SOX5: variants seen among roughly 807,000 people sequenced by gnomAD.
The protein encoded by SOX5 is SRY-box transcription factor 5.
A neutral mutation model predicts 92.0 loss-of-function variants in SOX5; 9 were observed. The ratio of observed to expected loss-of-function variants is 0.10; its 90% CI spans 0.06 to 0.17. The LOEUF (loss-of-function observed/expected upper bound fraction) is 0.17, where lower values mean the gene tolerates loss of function less well. Ranked by LOEUF, SOX5 falls within the 10% of genes least tolerant of loss-of-function variation. SOX5 has a pLI of 1.00. For synonymous variants in SOX5, 344 were observed against 336.3 expected (o/e 1.02, Z -0.25); for missense variants, 642 against 944.5 (o/e 0.68, Z 4.20).
At chr12:24,315,798 C>T (rs889384232) in intron 2 of SOX5, among the ~76,000 whole-genome samples, 11 of 152,218 alleles carry the variant, frequency 7.2e-5, no homozygotes, top group Admixed American at 4.6e-4. Context: ...TTGTAACTTT[C>T]TAGCACGTGG....
intron 5 of SOX5, among the ~76,000 whole-genome samples, chr12:23,740,259 T>C (rs2093747754): frequency 2.6e-5 from 4 of 152,224 alleles, no homozygotes; most frequent in Admixed American, 2.6e-4. Flanking sequence ...TCTCTGTTTC[T>C]GGTGATGGCA....
chr12:24,037,729 A>ACCT lies in SOX5; in HGVS notation c.-1-141706_-1-141705insAGG, dbSNP rs1956181347. On this transcript the variant is annotated intron_variant, in intron 4 of 4. Transcript: ENST00000446891. ...AAGATGTTACATGTCATGAATGTGC[A>ACCT]CTCATACACATCTACAAATACAAAA... 2.0e-5 allele frequency among the ~76,000 whole-genome samples: 3 copies of ACCT among 152,312 alleles called. No homozygotes were observed. In the South Asian group the frequency reaches 6.2e-4, roughly 32 times the overall value.
At chr12:23,636,209 ATTAT>A (rs2079210665) in intron 8 of SOX5, among the ~76,000 whole-genome samples, 3 of 152,306 alleles carry the variant, frequency 2.0e-5, no homozygotes, top group African/African-American at 7.2e-5. Flanking sequence ...GCTAATTTGT[ATTAT>A]TTATATACAT....
At chr12:24,187,380 C>T (rs1956117814) in intron 4 of SOX5, among the ~76,000 whole-genome samples, 1 of 152,132 alleles carries the variant, frequency 6.6e-6, no homozygotes, top group African/African-American at 2.4e-5. Context: ...TGTTAAATAT[C>T]TGCAAAAATA....
chr12:23,547,374 T>C (rs10771002), intron 11 of SOX5, among the ~76,000 whole-genome samples: 56,680 of 151,880 alleles, frequency 0.37, 11,752 homozygotes, highest in Middle Eastern at 0.51. Context: ...AGTTTCTTTA[T>C]AATTATTCAC....
At chr12:24,457,619 G>A (rs1326711982) in intron 1 of SOX5, among the ~76,000 whole-genome samples, 2 of 152,056 alleles carry the variant, frequency 1.3e-5, no homozygotes, top group African/African-American at 2.4e-5. Context: ...TTATACTTTA[G>A]TTATAACAAG....
intron 3 of SOX5, among the ~76,000 whole-genome samples, chr12:23,812,313 C>G (rs1209200812): frequency 6.6e-6 from 1 of 152,038 alleles, no homozygotes; most frequent in African/African-American, 2.4e-5. Context: ...TAATGACCAT[C>G]ATATTTTCTT....
intron 8 of SOX5, among the ~76,000 whole-genome samples, chr12:23,609,363 A>G (rs2075676757): frequency 6.6e-6 from 1 of 152,230 alleles, no homozygotes; most frequent in Non-Finnish European, 1.5e-5. Context: ...TAGCCAGAAT[A>G]TTGATAAGAC....
At chr12:23,680,881 T>C (rs1311778359) in intron 6 of SOX5, among the ~76,000 whole-genome samples, 3 of 142,524 alleles carry the variant, frequency 2.1e-5, no homozygotes, top group South Asian at 2.2e-4. Context: ...CTTTCAAGAA[T>C]AAATCCAAAA....
chr12:24,440,282 A>G (rs139641132), intron 1 of SOX5, among the ~76,000 whole-genome samples: 1 of 152,102 alleles, frequency 6.6e-6, no homozygotes, highest in Non-Finnish European at 1.5e-5. Context: ...TCTACCTTAG[A>G]TAATCTACTC....
intron 1 of SOX5, among the ~76,000 whole-genome samples, chr12:24,471,304 T>C (rs572372660): frequency 4.6e-5 from 7 of 152,296 alleles, no homozygotes; most frequent in African/African-American, 1.7e-4. Flanking sequence ...ATATTCTAAT[T>C]TAATTTTTCT....
Position 23,999,168 on chromosome 12 carries a change from GTGTGTGTGTA to G in SOX5, c.-1-103154_-1-103145del, listed in dbSNP as rs113615267. 8.4e-3 allele frequency among the ~76,000 whole-genome samples: 1,275 copies of G among 151,062 alleles called. 23 individuals carry two copies. The highest frequency in any genetic ancestry group is 0.029 in the African/African-American group (1,206 of 41,078). Reference sequence around the variant, plus strand: ...TGTGTGTGTGTGTGTGTGTGTGTGTGTGTGTGTGTACCATTGCTTCTCTTAAGTGATTTAA... The same window carrying G: ...TGTGTGTGTGTGTGTGTGTGTGTGTGCCATTGCTTCTCTTAAGTGATTTAA... On this transcript the variant is annotated intron_variant, in intron 4 of 4. Transcript: ENST00000446891.
intron 1 of SOX5, among the ~76,000 whole-genome samples, chr12:24,483,802 TA>T (rs1946242909): frequency 6.6e-6 from 1 of 152,220 alleles, no homozygotes; most frequent in South Asian, 2.1e-4. Flanking sequence ...ACTGCACACA[TA>T]AAGCTTATTT....
intron 4 of SOX5, among the ~76,000 whole-genome samples, chr12:24,021,763 T>C (rs1021218558): frequency 6.6e-6 from 1 of 152,170 alleles, no homozygotes; most frequent in African/African-American, 2.4e-5. Flanking sequence ...ATGCTCATCA[T>C]CGTGGATTAT....
intron 3 of SOX5, among the ~76,000 whole-genome samples, chr12:24,244,656 C>G (rs1372845968): frequency 6.6e-6 from 1 of 152,242 alleles, no homozygotes; most frequent in African/African-American, 2.4e-5. Flanking sequence ...ACACTCATCA[C>G]AGTGCCTGGG....
intron 4 of SOX5, among the ~76,000 whole-genome samples, chr12:24,155,822 G>T (rs1400061359): frequency 1.3e-5 from 2 of 152,162 alleles, no homozygotes; most frequent in Non-Finnish European, 2.9e-5. Flanking sequence ...AAGGAGGGCA[G>T]GCCTGCACAT....
intron 4 of SOX5, among the ~76,000 whole-genome samples, chr12:23,976,797 T>C (rs891385034): frequency 2.0e-5 from 3 of 152,084 alleles, no homozygotes; most frequent in African/African-American, 7.2e-5. Flanking sequence ...ACTCGCGACT[T>C]GTTTTTTTCT....
At chr12:24,099,470 C>T (rs1165915758) in intron 4 of SOX5, among the ~76,000 whole-genome samples, 1 of 152,138 alleles carries the variant, frequency 6.6e-6, no homozygotes, top group East Asian at 1.9e-4. Context: ...GATGAAGGAG[C>T]TACTTTGTTC....
chr12:23,664,688 T>G (rs1243701697), intron 7 of SOX5, among the ~76,000 whole-genome samples: 1 of 152,132 alleles, frequency 6.6e-6, no homozygotes, highest in East Asian at 1.9e-4. Context: ...TAATAAGCAA[T>G]ATAAACAGTT....
Sources: gnomAD v4.1 joint callset for allele counts (sites outside exome capture counted in the v4.1 genomes callset) on GRCh38, gnomAD v4.1.1 for gene constraint, MANE v1.5 for transcripts, NCBI Gene and HGNC (gene_info 2026-07-23, HGNC 2026-07-21) for gene names.